RNASEH1: variants seen among roughly 807,000 people sequenced by gnomAD.
RNASEH1 encodes ribonuclease H type II.
In RNASEH1, 27 loss-of-function variants were observed where a neutral mutation model predicts 34.6. That is an observed-to-expected ratio of 0.78 (90% CI 0.58 to 1.08). RNASEH1 has a LOEUF of 1.08. RNASEH1 is among the 50% of genes least tolerant of loss of function. The probability of loss-of-function intolerance (pLI) is 0.00; values close to 1 mark genes in which losing one functional copy is unlikely to be tolerated. For synonymous variants in RNASEH1, 162 were observed against 138.4 expected (o/e 1.17, Z -1.20); for missense variants, 349 against 373.6 (o/e 0.93, Z 0.54).
rs772642386 is a variant in RNASEH1, at chr2:3,552,275, G to A, written c.278C>T (p.Ala93Val). The change falls in exon 3 of 8, where the codon GCG becomes GTG. Residue 93 changes from alanine (A) to valine (V), a missense_variant. Around this residue, in one of 2 missense-constraint regions of RNASEH1, gnomAD observed 256 missense variants for 240.7 expected, o/e 1.06. Transcript: ENST00000315212. ...HENQHGQESE[A>V]KASKRLREPL... The stretch of plus-strand genomic sequence containing the variant: ...CTCACGGAGTCGCTTGCTGGCTTTC[G>A]CCTCCGATTCTTGTCCATGTTGATT... 12 of 1,613,830 alleles carry A rather than the reference G, an allele frequency of 7.4e-6. No homozygotes were observed. The East Asian group carries it at 1.1e-4, about 15-fold the overall frequency.
At position 3,545,988 on chromosome 2, in the gene RNASEH1, A is replaced by G. The variant is rs1668713136; in HGVS notation, c.775-117T>C. 19 of 720,128 alleles carry G rather than the reference A, an allele frequency of 2.6e-5. 1 individual carries two copies. The South Asian group carries it at 2.9e-4, about 11-fold the overall frequency. 44.6% of individuals were successfully genotyped at this position (720,128 alleles called of 1,614,324 possible). A position where few individuals can be genotyped will look rare whatever the true frequency, so the allele number is the denominator to read the frequency against. ...GACTGCACAGCATAAGCTCAACTTC[A>G]ACGCTCCTCTCCCCAGACATGATCC... On this transcript the variant is annotated intron_variant, in intron 7 of 7. Transcript: ENST00000315212.
intron 7 of RNASEH1, 110 bp downstream of exon 7, chr2:3,547,821 A>G: frequency 1.9e-6 from 2 of 1,044,934 alleles, no homozygotes; most frequent in East Asian, 2.4e-5. Flanking sequence ...TGATATTAAT[A>G]TCATGGAAAT....
Position 3,556,706 on chromosome 2 carries a change from G to C in RNASEH1, c.244+83C>G, listed in dbSNP as rs73910592. ...ACGAGGTTCCCTACATGCCTAGAGGGTAGCTATATAGATCAAATGCCATCT... is the reference window on the plus strand; with the variant it reads ...ACGAGGTTCCCTACATGCCTAGAGGCTAGCTATATAGATCAAATGCCATCT... On this transcript the variant is annotated intron_variant, in intron 2 of 7. Coordinates refer to ENST00000315212, the MANE Select transcript of RNASEH1 (RefSeq NM_002936.6). The C allele has an allele frequency of 9.3e-3, 7,908 of 853,178 alleles. 405 individuals are homozygous for C. In the African/African-American group the frequency reaches 0.11, roughly 12 times the overall value. The allele number at this position is 853,178 out of a possible 1,614,324, so 52.9% of individuals were successfully genotyped here. A position where few individuals can be genotyped will look rare whatever the true frequency, so the allele number is the denominator to read the frequency against.
chr2:3,556,774 A>T lies in RNASEH1; in HGVS notation c.244+15T>A, dbSNP rs968693836. The T allele has an allele frequency of 1.2e-5, 19 of 1,551,350 alleles. No individual in the cohort carries two copies. The highest frequency in any genetic ancestry group is 1.7e-5 in the Non-Finnish European group (19 of 1,122,674). On this transcript the variant is annotated intron_variant, in intron 2 of 7. Transcript: ENST00000315212. ...GAATAGGTTAAAATGTCACACTGAT[A>T]TGAGAGGTGACTACCTTCTGAAACT...
intron 5 of RNASEH1, 132 bp downstream of exon 5, chr2:3,548,926 C>A: frequency 4.4e-6 from 4 of 911,364 alleles, no homozygotes; most frequent in Non-Finnish European, 5.2e-6. Context: ...TCCTATTTTT[C>A]AAAATTGTTA....
chr2:3,550,415 G>T lies in RNASEH1; in HGVS notation c.467C>A (p.Pro156Gln), dbSNP rs200162792. 1.2e-6 allele frequency: 2 copies of T among 1,614,062 alleles called. No homozygotes were observed. The highest frequency in any genetic ancestry group is 2.2e-5 in the East Asian group (1 of 44,880). ...CCAGTAAACGCCGATTCCTGCTCGC[G>T]GCCTTCTACGCCCATTACTGGAGCA... ...GCCSSNGRRR[P>Q]RAGIGVYWGP... The change falls in exon 4 of 8, where the codon CCG (proline) becomes CAG (glutamine). Residue 156 changes from proline to glutamine, a missense_variant. Physicochemically the swap from Pro to Gln is moderately conservative, Grantham distance 76. This residue lies in a region of RNASEH1 where 256 missense variants were observed against 240.7 expected (regional missense o/e 1.06). Transcript: ENST00000315212.
chr2:3,556,947 C>T, intron 1 of RNASEH1, 43 bp from the exon 2 acceptor site: 1 of 1,383,756 alleles, frequency 7.2e-7, no homozygotes, highest in South Asian at 1.2e-5. Context: ...CCTTCTCTAA[C>T]TTATCCCCTT....
chr2:3,551,025 T>A (rs1372056413), intron 3 of RNASEH1, among the ~76,000 whole-genome samples: 2 of 152,240 alleles, frequency 1.3e-5, no homozygotes, highest in African/African-American at 4.8e-5. Context: ...AAAAAAGGAC[T>A]GACGGGGGCA....
downstream of RNASEH1, chr2:3,536,638 C>T (rs1331576106): frequency 6.6e-6 from 1 of 152,364 alleles, no homozygotes; most frequent in East Asian, 1.9e-4. Context: ...TTCTGCAAAA[C>T]CTCACTGGAG....
the RNASEH1 span, among the ~76,000 whole-genome samples, chr2:3,534,673 C>A: frequency 1.3e-5 from 2 of 152,244 alleles, no homozygotes; most frequent in South Asian, 4.1e-4. Flanking sequence ...GAGCACAGCC[C>A]ACTGGGCCGA....
At chr2:3,541,111 G>A (rs964467750), downstream of RNASEH1, among the ~76,000 whole-genome samples, 24 of 151,920 alleles carry the variant, frequency 1.6e-4, no homozygotes, top group African/African-American at 1.2e-4. Context: ...GGCGGATCAC[G>A]AGGTCAGGAG....
At chr2:3,549,879 G>A (rs1294276674) in intron 4 of RNASEH1, among the ~76,000 whole-genome samples, 1 of 151,656 alleles carries the variant, frequency 6.6e-6, no homozygotes, top group African/African-American at 2.4e-5. Context: ...CTGGGAAGTG[G>A]AGCTTGCAGT....
In RNASEH1 at chr2:3,545,546, G is replaced by A. The variant is rs561671253; in HGVS notation, c.*239C>T. 2.9e-4 allele frequency: 156 copies of A among 543,822 alleles called. No individual in the cohort carries two copies. The highest frequency in any genetic ancestry group is 4.3e-4 in the Non-Finnish European group (132 of 304,020). The allele number at this position is 543,822 out of a possible 1,614,324, so 33.7% of individuals were successfully genotyped here. On this transcript the variant is annotated 3_prime_UTR_variant, in exon 8 of 8. Coordinates refer to ENST00000315212, the MANE Select transcript of RNASEH1 (RefSeq NM_002936.6). ...ACAAGCAAGGACAGTATTGAACCCA[G>A]TAAACATAATGTGGAAATCTCACAT...
At chr2:3,557,307 C>T (rs1279996497) in intron 1 of RNASEH1, among the ~76,000 whole-genome samples, 1 of 152,174 alleles carries the variant, frequency 6.6e-6, no homozygotes, top group Non-Finnish European at 1.5e-5. Flanking sequence ...AGGGCAGAGT[C>T]GCACCTTATA....
the RNASEH1 span, chr2:3,531,971 G>A: frequency 7.1e-5 from 28 of 392,972 alleles, no homozygotes; most frequent in African/African-American, 3.5e-4. Context: ...AGCTGAGGCC[G>A]AACACTGCGA....
intron 7 of RNASEH1, among the ~76,000 whole-genome samples, chr2:3,546,995 T>C (rs1056810265): frequency 6.6e-6 from 1 of 152,168 alleles, no homozygotes; most frequent in African/African-American, 2.4e-5. Context: ...TGGTGGCATA[T>C]GCCTGTAATC....
chr2:3,548,275 C>T (rs1668943797), intron 6 of RNASEH1, among the ~76,000 whole-genome samples: 1 of 152,214 alleles, frequency 6.6e-6, no homozygotes, highest in Non-Finnish European at 1.5e-5. Flanking sequence ...CAGCTGTCAG[C>T]TTAAGATGTC....
rs1660100550 is a variant in RNASEH1, at chr2:3,552,768, T to TA, written c.245-461dup. On this transcript the variant is annotated intron_variant, in intron 2 of 7. Coordinates refer to ENST00000315212, the MANE Select transcript of RNASEH1 (RefSeq NM_002936.6). ...GTTCCAGCTACTCGGGAGGCTGACATACGAGTATCGCTTGAGCCCGGGTTT... is the reference window on the plus strand; with the variant it reads ...GTTCCAGCTACTCGGGAGGCTGACATAACGAGTATCGCTTGAGCCCGGGTTT... Among the ~76,000 whole-genome samples, 5 of 151,956 alleles carry TA rather than the reference T, an allele frequency of 3.3e-5. No homozygotes were observed. In the South Asian group the frequency reaches 1.0e-3, roughly 32 times the overall value.
In RNASEH1 at chr2:3,544,067, A is replaced by T. The variant is rs1323599173; in HGVS notation, c.*1718T>A. On this transcript the variant is annotated 3_prime_UTR_variant, in exon 8 of 8. Coordinates refer to ENST00000315212, the MANE Select transcript of RNASEH1 (RefSeq NM_002936.6). ...AACTGTACCACTGGGTAACCAGATA[A>T]GTATAAAAAAGAAAACACTTTCTTA... 6.6e-6 allele frequency among the ~76,000 whole-genome samples: 1 copy of T among 152,220 alleles called. No homozygotes were observed. The highest frequency in any genetic ancestry group is 1.5e-5 in the Non-Finnish European group (1 of 68,040).
Sources: allele counts gnomAD v4.1 joint callset (sites outside exome capture counted in the v4.1 genomes callset), GRCh38; gene constraint gnomAD v4.1.1; regional missense constraint gnomAD v4.1.1; transcripts MANE v1.5; gene names NCBI Gene and HGNC (gene_info 2026-07-23, HGNC 2026-07-21).